Variants in FRMD4A observed in about 807,000 individuals in gnomAD.
FRMD4A encodes the protein FERM domain containing 4A.
In FRMD4A, 29 loss-of-function variants were observed where a neutral mutation model predicts 129.1. The ratio of observed to expected loss-of-function variants is 0.22; its 90% confidence interval spans 0.17 to 0.31. The LOEUF is 0.31. Among genes scored for constraint, FRMD4A ranks in the 10% least tolerant of loss-of-function variants. The pLI is 1.00. For missense variants in FRMD4A, 1,272 were observed against 1,375.8 expected (o/e 0.92, Z 1.19); for synonymous variants, 634 against 571.6 (o/e 1.11, Z -1.56).
intron 8 of FRMD4A, 144 bp downstream of exon 8, chr10:13,761,503 T>C: frequency 1.5e-6 from 1 of 655,228 alleles, no homozygotes; most frequent in East Asian, 2.6e-5. Context: ...TCTGTTTCAG[T>C]GGACAAGTTG....
intron 6 of FRMD4A, among the ~76,000 whole-genome samples, chr10:13,770,044 T>A (rs1250427535): frequency 6.6e-6 from 1 of 152,148 alleles, no homozygotes; most frequent in Non-Finnish European, 1.5e-5. Context: ...ATATATCCTA[T>A]CGGTTCTGTC....
intron 2 of FRMD4A, among the ~76,000 whole-genome samples, chr10:14,076,938 G>T (rs985093561): frequency 1.3e-5 from 2 of 152,222 alleles, no homozygotes; most frequent in Admixed American, 1.3e-4. Context: ...GAGATACAGA[G>T]GTGAAGAGGG....
intron 3 of FRMD4A, among the ~76,000 whole-genome samples, chr10:13,850,465 C>T (rs1042524900): frequency 1.3e-5 from 2 of 152,192 alleles, no homozygotes; most frequent in Non-Finnish European, 2.9e-5. Flanking sequence ...GTGTCTTCCA[C>T]ACCTGCTAGC....
chr10:13,963,676 A>G (rs1434020061), intron 2 of FRMD4A, among the ~76,000 whole-genome samples: 1 of 152,260 alleles, frequency 6.6e-6, no homozygotes, highest in Admixed American at 6.5e-5. Flanking sequence ...TTCTGTTTCA[A>G]AAGCATATTT....
chr10:14,228,721 G>C (rs944268494), intron 2 of FRMD4A, among the ~76,000 whole-genome samples: 3 of 151,852 alleles, frequency 2.0e-5, no homozygotes, highest in African/African-American at 7.3e-5. Flanking sequence ...AAGCAGATTA[G>C]GTTCTGGATT....
chr10:14,203,697 G>C (rs1183674659), intron 2 of FRMD4A, among the ~76,000 whole-genome samples: 1 of 152,168 alleles, frequency 6.6e-6, no homozygotes, highest in Admixed American at 6.5e-5. Flanking sequence ...ATCATCATTA[G>C]AAATACTTGC....
chr10:14,170,801 C>T (rs761054304), intron 2 of FRMD4A, among the ~76,000 whole-genome samples: 11 of 106,242 alleles, frequency 1.0e-4, no homozygotes, highest in Admixed American at 2.4e-4. Flanking sequence ...ACTCCCCTAC[C>T]TCTCTTCCCT....
chr10:13,917,722 C>A (rs769310567), intron 2 of FRMD4A, among the ~76,000 whole-genome samples: 3 of 152,176 alleles, frequency 2.0e-5, no homozygotes, highest in African/African-American at 4.8e-5. Flanking sequence ...AACAGCTCAC[C>A]CTTTCTCATT....
In FRMD4A at chr10:13,924,389, C is replaced by T. The variant is rs181091988; in HGVS notation, c.46-65477G>A. Among the ~76,000 whole-genome samples, 341 of 147,628 alleles carry T rather than the reference C, an allele frequency of 2.3e-3. 1 individual carries two copies. The highest frequency in any genetic ancestry group is 0.01 in the Middle Eastern group (3 of 286). On this transcript the variant is annotated intron_variant, in intron 2 of 24. Coordinates refer to ENST00000357447, the MANE Select transcript of FRMD4A (RefSeq NM_018027.5). ...TCTCCTTTCTACCCCATCTTATCTC[C>T]GCCTACTTTTCTTCTCGTTCCTTTT...
chr10:13,654,199 T>G lies in FRMD4A; in HGVS notation c.3050+217A>C, dbSNP rs546074123. Reference sequence around the variant, plus strand: ...ACATCCCAAGGACCACCGCCTACTTTAAGAGAACACAGACAATTCACCTCT... The same window carrying G: ...ACATCCCAAGGACCACCGCCTACTTGAAGAGAACACAGACAATTCACCTCT... On this transcript the variant is annotated intron_variant, in intron 23 of 24. Transcript: ENST00000357447. 19 of 588,542 alleles carry G rather than the reference T, an allele frequency of 3.2e-5. 1 individual carries two copies. The East Asian group carries it at 5.1e-4, about 16-fold the overall frequency. The allele number at this position is 588,542 out of a possible 1,614,324, so 36.5% of individuals were successfully genotyped here. A position where few individuals can be genotyped will look rare whatever the true frequency, so the allele number is the denominator to read the frequency against.
chr10:13,747,175 T>TAAAA (rs55979611), intron 9 of FRMD4A, among the ~76,000 whole-genome samples: 1 of 147,548 alleles, frequency 6.8e-6, no homozygotes, highest in Non-Finnish European at 1.5e-5. Context: ...TTTTGAAAAT[T>TAAAA]AAAAAAAAAA....
At chr10:13,787,816 G>A (rs911471150) in intron 5 of FRMD4A, among the ~76,000 whole-genome samples, 3 of 150,924 alleles carry the variant, frequency 2.0e-5, no homozygotes, top group South Asian at 2.1e-4. Flanking sequence ...TTTTGGCCGG[G>A]CATGCCTGTA....
chr10:14,053,376 G>T (rs146576232), intron 2 of FRMD4A, among the ~76,000 whole-genome samples: 1 of 152,250 alleles, frequency 6.6e-6, no homozygotes, highest in African/African-American at 2.4e-5. Flanking sequence ...GGATTACGGG[G>T]CAAGGGTGTG....
chr10:13,715,706 G>A (rs1346318014), intron 12 of FRMD4A, among the ~76,000 whole-genome samples: 1 of 152,130 alleles, frequency 6.6e-6, no homozygotes, highest in Non-Finnish European at 1.5e-5. Flanking sequence ...AGGAGTTTGA[G>A]ACCAGCCTGG....
chr10:14,087,891 G>A (rs1836386355), intron 2 of FRMD4A, among the ~76,000 whole-genome samples: 1 of 152,168 alleles, frequency 6.6e-6, no homozygotes, highest in African/African-American at 2.4e-5. Flanking sequence ...AGGAGACTGA[G>A]AGGATTGCTT....
At chr10:13,884,216 A>ACTCT (rs1554956601) in intron 2 of FRMD4A, among the ~76,000 whole-genome samples, 4 of 125,640 alleles carry the variant, frequency 3.2e-5, no homozygotes, top group Admixed American at 8.4e-5. Context: ...ACTCACACAC[A>ACTCT]CACACACACA....
chr10:14,185,824 G>C (rs539412660), intron 2 of FRMD4A, among the ~76,000 whole-genome samples: 1 of 152,098 alleles, frequency 6.6e-6, no homozygotes, highest in African/African-American at 2.4e-5. Flanking sequence ...AGACAGGGCA[G>C]GGCCCAGTGG....
At chr10:13,967,889 T>C (rs999129090) in intron 2 of FRMD4A, among the ~76,000 whole-genome samples, 1 of 152,070 alleles carries the variant, frequency 6.6e-6, no homozygotes, top group Non-Finnish European at 1.5e-5. Context: ...CTACAAAAAA[T>C]ACAAAAATTA....
chr10:14,094,481 G>T (rs989799574), intron 2 of FRMD4A, among the ~76,000 whole-genome samples: 1 of 152,152 alleles, frequency 6.6e-6, no homozygotes, highest in African/African-American at 2.4e-5. Flanking sequence ...CACTGTGAAT[G>T]CAAAGGCTGT....
Sources: gnomAD v4.1 joint callset for allele counts (sites outside exome capture counted in the v4.1 genomes callset) on GRCh38, gnomAD v4.1.1 for gene constraint, MANE v1.5 for transcripts, NCBI Gene and HGNC (gene_info 2026-07-23, HGNC 2026-07-21) for gene names.